The following NMT2 variants were observed in gnomAD, a reference collection of about 807,000 sequenced individuals.
The protein encoded by NMT2 is glycylpeptide N-tetradecanoyltransferase 2.
A neutral mutation model predicts 65.4 loss-of-function variants in NMT2; 35 were observed. The ratio of observed to expected loss-of-function variants is 0.54; its 90% CI spans 0.41 to 0.71. NMT2 has a LOEUF of 0.71. Ranked by LOEUF, NMT2 falls within the 30% of genes least tolerant of loss-of-function variation. NMT2 has a pLI of 0.00. For synonymous variants in NMT2, 226 were observed against 231.8 expected (o/e 0.98, Z 0.23); for missense variants, 489 against 611.3 (o/e 0.80, Z 2.11).
intron 1 of NMT2, among the ~76,000 whole-genome samples, chr10:15,163,554 G>C (rs1471556395): frequency 6.6e-6 from 1 of 152,152 alleles, no homozygotes; most frequent in African/African-American, 2.4e-5. Context: ...TTTCCATTTA[G>C]ATTTATACAG....
intron 9 of NMT2, among the ~76,000 whole-genome samples, chr10:15,116,264 G>C (rs1845740612): frequency 6.6e-6 from 1 of 152,152 alleles, no homozygotes; most frequent in African/African-American, 2.4e-5. Context: ...CTAGAAATCT[G>C]TAATAGGGAG....
intron 1 of NMT2, among the ~76,000 whole-genome samples, chr10:15,149,954 T>C (rs1320996017): frequency 6.6e-6 from 1 of 152,322 alleles, no homozygotes; most frequent in East Asian, 1.9e-4. Context: ...GTAAACTGCC[T>C]AATTGCGATC....
At chr10:15,112,174 T>TCATATATATA (rs1845541889) in intron 10 of NMT2, among the ~76,000 whole-genome samples, 1 of 28,874 alleles carries the variant, frequency 3.5e-5, no homozygotes, top group East Asian at 8.9e-4. Context: ...GATATGGGCT[T>TCATATATATA]TATATATATA....
At position 15,153,648 on chromosome 10, in the gene NMT2, AT is replaced by A. The variant is rs1249449349; in HGVS notation, c.111-12092del. Among the ~76,000 whole-genome samples, 549 of 152,062 alleles carry A rather than the reference AT, an allele frequency of 3.6e-3. 3 individuals are homozygous for A. Among genetic ancestry groups the A allele is most frequent in the African/African-American group, 0.012 (500 of 41,456 alleles). On this transcript the variant is annotated intron_variant, in intron 1 of 11. Coordinates refer to ENST00000378165, the MANE Select transcript of NMT2 (RefSeq NM_004808.3). ...ACACACAGATGTTTTGTTTTATTTTATTTTATTTTATTTTTTTTTTGAGACA... is the reference window on the plus strand; with the variant it reads ...ACACACAGATGTTTTGTTTTATTTTATTTATTTTATTTTTTTTTTGAGACA...
chr10:15,144,401 G>A lies in NMT2; in HGVS notation c.111-2844C>T, dbSNP rs1846884382. 2.0e-5 allele frequency among the ~76,000 whole-genome samples: 3 copies of A among 152,110 alleles called. No homozygotes were observed. The South Asian group carries it at 6.2e-4, about 32-fold the overall frequency. Reference sequence around the variant, plus strand: ...ACTTTGAGAATAAGAGCTGACCAGTGCACCGCTTGATACCCATGAGGATAA... The same window carrying A: ...ACTTTGAGAATAAGAGCTGACCAGTACACCGCTTGATACCCATGAGGATAA... On this transcript the variant is annotated intron_variant, in intron 1 of 11. Transcript: ENST00000378165.
intron 1 of NMT2, among the ~76,000 whole-genome samples, chr10:15,146,823 C>T (rs1204642782): frequency 2.0e-5 from 3 of 151,990 alleles, no homozygotes; most frequent in Non-Finnish European, 4.4e-5. Flanking sequence ...CTGGGTGCAG[C>T]GGCTCACGCC....
At chr10:15,113,463 CAAAAAAAAA>C (rs1169255963) in intron 9 of NMT2, among the ~76,000 whole-genome samples, 24 of 37,004 alleles carry the variant, frequency 6.5e-4, no homozygotes, top group African/African-American at 1.4e-3. Flanking sequence ...GGATGAGACT[CAAAAAAAAA>C]AAAAAAAAAA....
chr10:15,128,259 G>T, intron 8 of NMT2, 91 bp downstream of exon 8: 1 of 765,424 alleles, frequency 1.3e-6, no homozygotes, highest in Non-Finnish European at 2.3e-6. Context: ...AGACACACCA[G>T]TCAGTTTTTA....
At chr10:15,149,166 T>C (rs1847060646) in intron 1 of NMT2, among the ~76,000 whole-genome samples, 1 of 147,982 alleles carries the variant, frequency 6.8e-6, no homozygotes, top group African/African-American at 2.5e-5. Flanking sequence ...CCACCATCAC[T>C]GCCGCCATCA....
At chr10:15,128,536 T>A (rs754502072) in intron 7 of NMT2, 78 bp from the exon 8 acceptor site, 1 of 889,490 alleles carries the variant, frequency 1.1e-6, no homozygotes. Context: ...AGCTTGGCTG[T>A]TACATAAGCA....
At chr10:15,138,339 C>T (rs973550467) in intron 2 of NMT2, 6 of 470,782 alleles carry the variant, frequency 1.3e-5, no homozygotes, top group Non-Finnish European at 1.8e-5. Context: ...AAAGTAGATT[C>T]AAATAAACAC....
In NMT2 at chr10:15,134,575, G is replaced by A. The variant is rs574933936; in HGVS notation, c.391+699C>T. 3.7e-4 allele frequency among the ~76,000 whole-genome samples: 57 copies of A among 152,284 alleles called. 1 individual carries two copies. In the Middle Eastern group the frequency reaches 0.02, roughly 55 times the overall value. On this transcript the variant is annotated intron_variant, in intron 3 of 11. Transcript: ENST00000378165. ...CCTACTTTTCCACCACTGTTTCCAGGTGTGTGCCCTGGACTATGCCTGGCA... is the reference window on the plus strand; with the variant it reads ...CCTACTTTTCCACCACTGTTTCCAGATGTGTGCCCTGGACTATGCCTGGCA...
rs535686905 is a variant in NMT2 at position 15,107,862 on chromosome 10, A to G, written c.*1333T>C. The G allele has an allele frequency of 3.0e-6, 3 of 985,830 alleles. No homozygotes were observed. Among genetic ancestry groups the G allele is most frequent in the Admixed American group, 6.1e-5 (1 of 16,278 alleles). 61.1% of individuals were successfully genotyped at this position (985,830 alleles called of 1,614,324 possible). On this transcript the variant is annotated 3_prime_UTR_variant, in exon 12 of 12. Transcript: ENST00000378165. ...CAATATAAACACACATCTGTAAGCC[A>G]TGAAAGTTTTTCAAATTCTAGATTA...
Position 15,133,128 on chromosome 10 carries a change from G to A in NMT2, c.527C>T (p.Thr176Met), listed in dbSNP as rs769672460. ...TTCTACGTAATTCTCATTTAACAAC[G>A]TGTATAACTCCTTGAGCTATAAGAT... is the stretch of plus-strand genomic sequence containing the variant. ...SDAEVLKELY[T>M]LLNENYVEDD... The change falls in exon 5 of 12, where the codon ACG (threonine) becomes ATG (methionine). Residue 176 changes from threonine (T) to methionine (M), a missense_variant. By Grantham distance (81) the Thr-to-Met change is moderately conservative. Transcript: ENST00000378165. The A allele has an allele frequency of 2.0e-5, 33 of 1,613,016 alleles. No homozygotes were observed. The highest frequency in any genetic ancestry group is 6.7e-5 in the Admixed American group (4 of 59,992).
At chr10:15,119,017 C>A (rs1486805967) in intron 9 of NMT2, among the ~76,000 whole-genome samples, 1 of 152,178 alleles carries the variant, frequency 6.6e-6, no homozygotes, top group African/African-American at 2.4e-5. Flanking sequence ...TGACAAGTTA[C>A]CATCAGCATC....
intron 1 of NMT2, among the ~76,000 whole-genome samples, chr10:15,148,571 T>G (rs1031541943): frequency 6.6e-6 from 1 of 152,154 alleles, no homozygotes; most frequent in African/African-American, 2.4e-5. Context: ...CATCTAAGAA[T>G]TTAGTATAGT....
rs45470999 is a variant in NMT2 at position 15,130,118 on chromosome 10, G to A, written c.890+24C>T. The A allele has an allele frequency of 7.7e-3, 11,096 of 1,432,254 alleles. 53 individuals carry two copies. The highest frequency in any genetic ancestry group is 8.8e-3 in the Non-Finnish European group (9,543 of 1,083,500). 88.7% of individuals were successfully genotyped at this position (1,432,254 alleles called of 1,614,324 possible). A position where few individuals can be genotyped will look rare whatever the true frequency, so the allele number is the denominator to read the frequency against. On this transcript the variant is annotated intron_variant, in intron 7 of 11. Coordinates refer to ENST00000378165, the MANE Select transcript of NMT2 (RefSeq NM_004808.3). ...AACATTTTTGATAAAGGGAGGACCTGAGGTAGAAATATGGTACTGGTACCT... is the reference window on the plus strand; with the variant it reads ...AACATTTTTGATAAAGGGAGGACCTAAGGTAGAAATATGGTACTGGTACCT...
intron 2 of NMT2, among the ~76,000 whole-genome samples, chr10:15,140,278 G>A (rs1181243928): frequency 1.3e-5 from 2 of 152,000 alleles, no homozygotes; most frequent in African/African-American, 2.4e-5. Context: ...GCATGCCACC[G>A]TGCCTAACTA....
At chr10:15,127,828 G>A (rs957389574) in intron 8 of NMT2, among the ~76,000 whole-genome samples, 7 of 151,484 alleles carry the variant, frequency 4.6e-5, no homozygotes, top group Admixed American at 1.3e-4. Context: ...GCTTGAACCC[G>A]GGAGGCAGAG....
Sources: allele counts gnomAD v4.1 joint callset (sites outside exome capture counted in the v4.1 genomes callset), GRCh38; gene constraint gnomAD v4.1.1; transcripts MANE v1.5; gene names NCBI Gene and HGNC (gene_info 2026-07-23, HGNC 2026-07-21).